The following FBXO16 variants were observed in gnomAD, a reference collection of about 807,000 sequenced individuals.
FBXO16 encodes the protein F-box protein 16.
A neutral mutation model predicts 41.0 loss-of-function variants in FBXO16; 31 were observed. The ratio of observed to expected loss-of-function variants is 0.76; its 90% CI spans 0.57 to 1.02. The LOEUF (loss-of-function observed/expected upper bound fraction) is 1.02, where lower values mean the gene tolerates loss of function less well. Among genes scored for constraint, FBXO16 ranks in the 50% least tolerant of loss-of-function variants. The pLI, the probability that FBXO16 is intolerant of heterozygous loss-of-function variation, is 0.00. For missense variants in FBXO16, 361 were observed against 346.2 expected, an observed-to-expected ratio of 1.04 and a Z score of -0.34; for synonymous variants, 133 against 117.8, an observed-to-expected ratio of 1.13 and a Z score of -0.84.
At chr8:28,474,339 AAAAAAAAAAAAAAAG>A (rs1803387498) in intron 2 of FBXO16, among the ~76,000 whole-genome samples, 3 of 120,022 alleles carry the variant, frequency 2.5e-5, no homozygotes, top group African/African-American at 6.1e-5. Flanking sequence ...AAAAAAAAAA[AAAAAAAAAAAAAAAG>A]AGAGAGAAAG....
intron 3 of FBXO16, among the ~76,000 whole-genome samples, chr8:28,470,638 T>G (rs969760836): frequency 6.6e-6 from 1 of 152,254 alleles, no homozygotes; most frequent in Admixed American, 6.5e-5. Context: ...TTTTGCCATA[T>G]AGGCAAGGAA....
intron 7 of FBXO16, among the ~76,000 whole-genome samples, chr8:28,430,201 TA>T: frequency 6.6e-6 from 1 of 152,110 alleles, no homozygotes; most frequent in Non-Finnish European, 1.5e-5. Context: ...GCCTCCCGAG[TA>T]GCTGGGACTA....
At chr8:28,435,632 T>C (rs1255093367) in intron 7 of FBXO16, among the ~76,000 whole-genome samples, 1 of 151,952 alleles carries the variant, frequency 6.6e-6, no homozygotes, top group Non-Finnish European at 1.5e-5. Context: ...TGCATGCTGA[T>C]TGGTTTGTGA....
chr8:28,445,497 T>C (rs1048244077), intron 7 of FBXO16, among the ~76,000 whole-genome samples: 4 of 152,228 alleles, frequency 2.6e-5, no homozygotes, highest in African/African-American at 9.6e-5. Flanking sequence ...TCCCATGGAC[T>C]TCTCTTCCAC....
chr8:28,429,805 A>G (rs954291091), intron 7 of FBXO16, among the ~76,000 whole-genome samples: 1 of 152,134 alleles, frequency 6.6e-6, no homozygotes, highest in Non-Finnish European at 1.5e-5. Context: ...GCTCCCTCTC[A>G]TTCCACAAGG....
chr8:28,452,538 C>A, intron 5 of FBXO16, 62 bp from the exon 6 acceptor site: 1 of 1,515,306 alleles, frequency 6.6e-7, no homozygotes, highest in Non-Finnish European at 9.0e-7. Flanking sequence ...CGGTGGCTCA[C>A]GCCTGTAATC....
chr8:28,488,547 A>G (rs968724076), intron 1 of FBXO16, among the ~76,000 whole-genome samples: 1 of 150,478 alleles, frequency 6.6e-6, no homozygotes, highest in African/African-American at 2.5e-5. Context: ...CAAGCAATCC[A>G]CCACCTCAGC....
intron 2 of FBXO16, among the ~76,000 whole-genome samples, chr8:28,474,352 A>AAAAAAAAG (rs1563368937): frequency 2.3e-5 from 3 of 127,916 alleles, no homozygotes; most frequent in Non-Finnish European, 4.8e-5. Flanking sequence ...AAAAAAAAAA[A>AAAAAAAAG]AGAGAGAGAA....
Position 28,428,717 on chromosome 8 carries a change from G to C in FBXO16, c.*10C>G, listed in dbSNP as rs763181427. On this transcript the variant is annotated 3_prime_UTR_variant, in exon 9 of 9. Coordinates refer to ENST00000380254, the MANE Select transcript of FBXO16 (RefSeq NM_172366.4). ...GAGATGAGCTGGAACTTTTAGGGGAGAGCTGGCACTTAGGGACATCTAGAA... is the reference window on the plus strand; with the variant it reads ...GAGATGAGCTGGAACTTTTAGGGGACAGCTGGCACTTAGGGACATCTAGAA... The C allele has an allele frequency of 2.6e-6, 4 of 1,566,104 alleles. No homozygotes were observed. In the South Asian group the frequency reaches 4.8e-5, roughly 19 times the overall value.
Position 28,456,876 on chromosome 8 carries a change from A to G in FBXO16, c.397T>C (p.Cys133Arg). 6.2e-7 allele frequency: 1 copy of G among 1,614,170 alleles called. No homozygotes were observed. The highest frequency in any genetic ancestry group is 8.5e-7 in the Non-Finnish European group (1 of 1,180,030). ...TTGATGTACCAGTTAAACCGTAAAC[A>G]TTTCAGCATCCAGAGCTGGTCCAGC... ...AELDQLWMLK[C>R]LRFNWYINFS... The change falls in exon 5 of 9, where the codon TGT (cysteine) becomes CGT (arginine). Residue 133 changes from cysteine to arginine, a missense_variant. Transcript: ENST00000380254.
intron 6 of FBXO16, among the ~76,000 whole-genome samples, chr8:28,451,017 T>C (rs1802943263): frequency 6.6e-6 from 1 of 152,218 alleles, no homozygotes; most frequent in Admixed American, 6.5e-5. Flanking sequence ...GTCCTTGATT[T>C]GTGTTTCATT....
At chr8:28,430,735 G>A (rs1390309454) in intron 7 of FBXO16, among the ~76,000 whole-genome samples, 3 of 152,142 alleles carry the variant, frequency 2.0e-5, no homozygotes, top group African/African-American at 7.2e-5. Flanking sequence ...ACTTTGGGAG[G>A]CCAAGGCGGG....
intron 1 of FBXO16, among the ~76,000 whole-genome samples, chr8:28,484,761 T>A (rs1240419828): frequency 8.6e-5 from 13 of 151,230 alleles, no homozygotes; most frequent in Non-Finnish European, 2.9e-5. Context: ...CCAGCTAATA[T>A]TTTTTGTATT....
intron 3 of FBXO16, among the ~76,000 whole-genome samples, chr8:28,464,382 G>A (rs1803197972): frequency 6.6e-6 from 1 of 152,150 alleles, no homozygotes; most frequent in Non-Finnish European, 1.5e-5. Flanking sequence ...GGAAGCCAGG[G>A]TATGTCCAAC....
At position 28,483,468 on chromosome 8, in the gene FBXO16, A is replaced by G; in HGVS notation, c.-16-6T>C. 5 of 1,595,700 alleles carry G rather than the reference A, an allele frequency of 3.1e-6. No individual in the cohort carries two copies. In the South Asian group the frequency reaches 3.3e-5, roughly 11 times the overall value. ...TCATGAAACAACTGGATATCCTTCCATAAGAAAAACAACACCTATCAGAAG... is the reference window on the plus strand; with the variant it reads ...TCATGAAACAACTGGATATCCTTCCGTAAGAAAAACAACACCTATCAGAAG... On this transcript the variant is annotated splice_region_variant and splice_polypyrimidine_tract_variant and intron_variant, in intron 1 of 8. Transcript: ENST00000380254.
rs1469472213 is a variant in FBXO16, at chr8:28,447,234, T to A, written c.780A>T (p.Arg260=). ...KRNQMTPDFS[R]QSHDKKNKLQ... ...ATTTATTTTTCTTATCATGTGACTG[T>A]CGGCTGAAGTCTGGGGTCATTTGGT... Residue 260 remains arginine, a synonymous_variant, in exon 7 of 9, where the codon CGA becomes CGT. Transcript: ENST00000380254. 1 of 1,613,708 alleles carries A rather than the reference T, an allele frequency of 6.2e-7. No individual in the cohort carries two copies. The highest frequency in any genetic ancestry group is 1.7e-5 in the Admixed American group (1 of 59,994).
At chr8:28,479,112 A>C (rs534163466) in intron 2 of FBXO16, among the ~76,000 whole-genome samples, 5 of 152,278 alleles carry the variant, frequency 3.3e-5, no homozygotes, top group African/African-American at 7.2e-5. Context: ...TTTCCTGCAC[A>C]GCCTGCAGAA....
chr8:28,482,574 A>ATTG (rs1361635556), intron 2 of FBXO16, among the ~76,000 whole-genome samples: 2 of 151,582 alleles, frequency 1.3e-5, no homozygotes, highest in East Asian at 1.9e-4. Context: ...TGTTGTTCTT[A>ATTG]TTGTTGTTGT....
chr8:28,430,207 G>T (rs529523658), intron 7 of FBXO16, among the ~76,000 whole-genome samples: 1 of 152,214 alleles, frequency 6.6e-6, no homozygotes, highest in Non-Finnish European at 1.5e-5. Flanking sequence ...CGAGTAGCTG[G>T]GACTACAGGT....
Sources: gnomAD v4.1 joint callset for allele counts (sites outside exome capture counted in the v4.1 genomes callset) on GRCh38, gnomAD v4.1.1 for gene constraint, MANE v1.5 for transcripts, NCBI Gene and HGNC (gene_info 2026-07-23, HGNC 2026-07-21) for gene names.